Variants in POLR3G observed in about 807,000 individuals in gnomAD.
POLR3G encodes RNA polymerase III subunit G.
POLR3G carries 28 observed loss-of-function variants against 30.1 expected under a neutral mutation model. That is an observed-to-expected ratio of 0.93 (90% CI 0.69 to 1.27). POLR3G has a LOEUF of 1.27. Ranked by LOEUF, POLR3G falls within the 50% of genes most tolerant of loss-of-function variation. The pLI, the probability that POLR3G is intolerant of heterozygous loss-of-function variation, is 0.00. For synonymous variants in POLR3G, 79 were observed against 82.5 expected (o/e 0.96, Z 0.23); for missense variants, 254 against 264.6 (o/e 0.96, Z 0.28).
intron 1 of POLR3G, among the ~76,000 whole-genome samples, chr5:90,483,464 T>C (rs1164855344): frequency 6.6e-6 from 1 of 152,212 alleles, no homozygotes; most frequent in African/African-American, 2.4e-5. Context: ...TATGATTTGC[T>C]TCTGGGGCCT....
chr5:90,511,001 T>A (rs1752715450), intron 7 of POLR3G, among the ~76,000 whole-genome samples: 1 of 152,100 alleles, frequency 6.6e-6, no homozygotes, highest in South Asian at 2.1e-4. Context: ...ATCTCAATCA[T>A]GTGCAAAAAT....
chr5:90,508,006 C>A (rs1047328147), intron 7 of POLR3G, among the ~76,000 whole-genome samples: 20 of 152,116 alleles, frequency 1.3e-4, no homozygotes, highest in Admixed American at 6.5e-4. Context: ...AGACCAAAGC[C>A]AACTTTGATC....
intron 1 of POLR3G, among the ~76,000 whole-genome samples, chr5:90,484,507 G>A (rs748827590): frequency 5.3e-5 from 8 of 152,188 alleles, no homozygotes; most frequent in Non-Finnish European, 1.0e-4. Flanking sequence ...TTGGTTTTAC[G>A]TAGTGTTCCT....
chr5:90,487,064 G>A (rs567690096), intron 2 of POLR3G, among the ~76,000 whole-genome samples: 8 of 152,184 alleles, frequency 5.3e-5, no homozygotes, highest in South Asian at 2.1e-4. Flanking sequence ...ATACAAACGC[G>A]TATTTGTGTA....
At position 90,487,261 on chromosome 5, in the gene POLR3G, C is replaced by A. The variant is rs1369205027; in HGVS notation, c.118-739C>A. 2.0e-5 allele frequency among the ~76,000 whole-genome samples: 3 copies of A among 147,286 alleles called. No homozygotes were observed. The Admixed American group carries it at 2.0e-4, about 10-fold the overall frequency. On this transcript the variant is annotated intron_variant, in intron 2 of 7. Transcript: ENST00000651687. ...ACCACTTACTAAATGATAGCTGCTG[C>A]TTTTTTATTTATTTATTTTTTTCCA... is the stretch of plus-strand genomic sequence containing the variant.
intron 5 of POLR3G, among the ~76,000 whole-genome samples, chr5:90,498,593 A>G (rs1752100690): frequency 6.6e-6 from 1 of 152,240 alleles, no homozygotes; most frequent in Non-Finnish European, 1.5e-5. Context: ...TGGAGCTGCT[A>G]AGAAAGACTT....
At chr5:90,488,932 A>G (rs1349077278) in intron 3 of POLR3G, among the ~76,000 whole-genome samples, 1 of 152,178 alleles carries the variant, frequency 6.6e-6, no homozygotes, top group Non-Finnish European at 1.5e-5. Flanking sequence ...GCACAGCAGT[A>G]CTATATTGAT....
At chr5:90,476,221 C>G (rs1264083044) in intron 1 of POLR3G, among the ~76,000 whole-genome samples, 2 of 152,208 alleles carry the variant, frequency 1.3e-5, no homozygotes, top group Non-Finnish European at 2.9e-5. Context: ...TGCAGCTTTT[C>G]TAAATACTTT....
intron 5 of POLR3G, 26 bp downstream of exon 5, chr5:90,497,732 TC>T: frequency 6.3e-7 from 1 of 1,585,830 alleles, no homozygotes; most frequent in South Asian, 1.2e-5. Context: ...TAATAGTAAT[TC>T]AGGTAGGAAA....
intron 1 of POLR3G, among the ~76,000 whole-genome samples, chr5:90,478,865 C>T (rs1462477653): frequency 6.6e-6 from 1 of 151,798 alleles, no homozygotes; most frequent in African/African-American, 2.4e-5. Context: ...CTGTAATCTC[C>T]TGGGATGCTT....
At chr5:90,490,335 A>G (rs1157202891) in intron 3 of POLR3G, among the ~76,000 whole-genome samples, 1 of 149,078 alleles carries the variant, frequency 6.7e-6, no homozygotes, top group Non-Finnish European at 1.5e-5. Context: ...GAAATTTCCA[A>G]ATTGATACAA....
chr5:90,506,825 A>G (rs1752511613), intron 7 of POLR3G, 151 bp downstream of exon 7: 1 of 1,288,888 alleles, frequency 7.8e-7, no homozygotes, highest in Non-Finnish European at 1.0e-6. Flanking sequence ...CCTTGCTATC[A>G]AGAGAACTTC....
chr5:90,484,358 G>C (rs1355977680), intron 1 of POLR3G, among the ~76,000 whole-genome samples: 3 of 151,088 alleles, frequency 2.0e-5, no homozygotes, highest in African/African-American at 7.3e-5. Flanking sequence ...TGGCAGCCAG[G>C]GTTGAGAACT....
Position 90,513,387 on chromosome 5 carries a change from T to C in POLR3G, c.*1248T>C, listed in dbSNP as rs1752825510. On this transcript the variant is annotated 3_prime_UTR_variant, in exon 8 of 8. Transcript: ENST00000651687. ...CCTTAGTTTCTCCACTCGTAAACAA[T>C]TTCCTATAAAAATTGTTTAAACACC... 1.3e-5 allele frequency: 2 copies of C among 152,618 alleles called. No individual in the cohort carries two copies. Among genetic ancestry groups the C allele is most frequent in the African/African-American group, 4.8e-5 (2 of 41,450 alleles). The allele number at this position is 152,618 out of a possible 1,614,324, so 9.5% of individuals were successfully genotyped here.
intron 3 of POLR3G, among the ~76,000 whole-genome samples, chr5:90,495,185 G>A (rs1012757055): frequency 6.6e-6 from 1 of 152,086 alleles, no homozygotes; most frequent in Non-Finnish European, 1.5e-5. Context: ...TATATATTTG[G>A]TCCTTGATTT....
At chr5:90,510,540 C>T (rs1187371920) in intron 7 of POLR3G, among the ~76,000 whole-genome samples, 3 of 152,100 alleles carry the variant, frequency 2.0e-5, no homozygotes, top group Non-Finnish European at 2.9e-5. Context: ...ATGTACAAAT[C>T]GGCTTACTTT....
At chr5:90,492,470 T>C (rs1751771606) in intron 3 of POLR3G, among the ~76,000 whole-genome samples, 1 of 152,222 alleles carries the variant, frequency 6.6e-6, no homozygotes. Flanking sequence ...ATTGATTATA[T>C]AGACATGAAA....
chr5:90,491,984 T>C (rs1751748649), intron 3 of POLR3G, among the ~76,000 whole-genome samples: 1 of 152,218 alleles, frequency 6.6e-6, no homozygotes, highest in South Asian at 2.1e-4. Flanking sequence ...TTGCTCTGTT[T>C]TAATTTTCAT....
At chr5:90,497,882 G>C in intron 5 of POLR3G, 176 bp downstream of exon 5, 1 of 725,800 alleles carries the variant, frequency 1.4e-6, no homozygotes. Context: ...GAGGTGGGAG[G>C]ATCACTTGAG....
Sources: allele counts gnomAD v4.1 joint callset (sites outside exome capture counted in the v4.1 genomes callset), GRCh38; gene constraint gnomAD v4.1.1; transcripts MANE v1.5; gene names NCBI Gene and HGNC (gene_info 2026-07-23, HGNC 2026-07-21).